The following PI4K2B variants were observed in gnomAD, a reference collection of about 807,000 sequenced individuals.
The protein encoded by PI4K2B is phosphatidylinositol 4-kinase type 2 beta.
PI4K2B carries 46 observed loss-of-function variants against 56.6 expected under a neutral mutation model. The observed-to-expected ratio is 0.81, with a 90% CI of 0.64 to 1.04. The LOEUF (loss-of-function observed/expected upper bound fraction) is 1.04, where lower values mean the gene tolerates loss of function less well. PI4K2B is among the 50% of genes least tolerant of loss of function. PI4K2B has a pLI of 0.00. For missense variants in PI4K2B, 556 were observed against 607.7 expected (o/e 0.91, Z 0.89); for synonymous variants, 211 against 223.8 (o/e 0.94, Z 0.51).
intron 9 of PI4K2B, among the ~76,000 whole-genome samples, chr4:25,272,297 AT>A (rs1716928216): frequency 6.6e-6 from 1 of 152,242 alleles, no homozygotes; most frequent in Non-Finnish European, 1.5e-5. Flanking sequence ...AATGAATATA[AT>A]AAAATATGAA....
At chr4:25,254,335 A>G in intron 2 of PI4K2B, 3 of 705,056 alleles carry the variant, frequency 4.3e-6, no homozygotes, top group Non-Finnish European at 5.2e-6. Flanking sequence ...TGTAATGTGG[A>G]TATTTAATAG....
Position 25,260,609 on chromosome 4 carries a change from TTTATATATATATATA to T in PI4K2B, c.978+20_978+34del. 1 of 383,648 alleles carries T rather than the reference TTTATATATATATATA, an allele frequency of 2.6e-6. No individual in the cohort carries two copies. The highest frequency in any genetic ancestry group is 4.3e-6 in the Non-Finnish European group (1 of 232,848). 23.8% of individuals were successfully genotyped at this position (383,648 alleles called of 1,614,324 possible). ...ACCATAAGGTAAGGAAATTTACAAT[TTTATATATATATATA>T]TATATATATATATATATACACACAC... On this transcript the variant is annotated intron_variant, in intron 6 of 9. Coordinates refer to ENST00000264864, the MANE Select transcript of PI4K2B (RefSeq NM_018323.4).
At chr4:25,269,251 CA>C (rs1376687604) in intron 9 of PI4K2B, 48 bp downstream of exon 9, 2 of 1,003,374 alleles carry the variant, frequency 2.0e-6, no homozygotes, top group African/African-American at 3.2e-5. Context: ...CTCTTTGAAA[CA>C]GTAGTCAACT....
intron 1 of PI4K2B, among the ~76,000 whole-genome samples, chr4:25,240,912 CCTCT>C (rs1715490022): frequency 1.3e-5 from 2 of 152,026 alleles, no homozygotes; most frequent in African/African-American, 4.8e-5. Flanking sequence ...TCTGTCTCTT[CCTCT>C]CTGTCTCTTT....
At chr4:25,267,499 G>A (rs941811278) in intron 7 of PI4K2B, among the ~76,000 whole-genome samples, 7 of 152,196 alleles carry the variant, frequency 4.6e-5, no homozygotes, top group Non-Finnish European at 7.3e-5. Context: ...AGGCTATAGC[G>A]AACTATGATT....
chr4:25,251,884 C>T (rs182314558), intron 1 of PI4K2B, among the ~76,000 whole-genome samples: 8 of 151,948 alleles, frequency 5.3e-5, no homozygotes, highest in South Asian at 2.1e-4. Flanking sequence ...AGTGCAGTGG[C>T]GCAATCTCTG....
At chr4:25,239,186 G>A (rs1715407848) in intron 1 of PI4K2B, among the ~76,000 whole-genome samples, 1 of 152,238 alleles carries the variant, frequency 6.6e-6, no homozygotes. Flanking sequence ...TCACCCAGTG[G>A]ATCCCACACT....
chr4:25,250,333 C>G (rs961246239), intron 1 of PI4K2B, among the ~76,000 whole-genome samples: 29 of 152,102 alleles, frequency 1.9e-4, no homozygotes, highest in African/African-American at 6.5e-4. Flanking sequence ...CCTCAGTGAA[C>G]TAACACAGGA....
At chr4:25,257,441 T>A (rs1176866774) in intron 4 of PI4K2B, among the ~76,000 whole-genome samples, 1 of 152,120 alleles carries the variant, frequency 6.6e-6, no homozygotes, top group African/African-American at 2.4e-5. Flanking sequence ...AGGAGAAAAC[T>A]AAGAAATTCA....
rs141109382 is a variant in PI4K2B at position 25,263,770 on chromosome 4, TGAA to T, written c.1003_1005del (p.Glu335del). 6.7e-4 allele frequency: 974 copies of T among 1,459,230 alleles called. 11 individuals are homozygous for T. In the East Asian group the frequency reaches 0.019, roughly 28 times the overall value. The allele number at this position is 1,459,230 out of a possible 1,614,324, so 90.4% of individuals were successfully genotyped here. On this transcript the variant is annotated inframe_deletion, in exon 7 of 10. Transcript: ENST00000264864. ...TATAGGAATCAAAATGGATTGATGA[TGAA>T]GAATTCCTTATTAAAATAGCTGCAA...
Position 25,255,186 on chromosome 4 carries a change from C to A in PI4K2B, c.545C>A (p.Pro182His). The A allele has an allele frequency of 1.9e-6, 3 of 1,613,876 alleles. No individual in the cohort carries two copies. The highest frequency in any genetic ancestry group is 2.5e-6 in the Non-Finnish European group (3 of 1,179,766). ...PCCFGRGCLI[P>H]NQGYLSEAGA... ...TGCTTTGGCCGAGGCTGCCTGATTC[C>A]TAATCAGGGGTACCTTTCCGAAGCG... Residue 182 changes from proline (P) to histidine (H), a missense_variant, in exon 3 of 10, where the codon CCT (proline) becomes CAT (histidine). By Grantham distance (77) the Pro-to-His change is moderately conservative. Coordinates refer to ENST00000264864, the MANE Select transcript of PI4K2B (RefSeq NM_018323.4).
Position 25,267,066 on chromosome 4 carries a change from T to A in PI4K2B, c.1079-1377T>A, listed in dbSNP as rs577191080. Among the ~76,000 whole-genome samples the A allele has an allele frequency of 5.8e-4, 88 of 152,212 alleles. 2 individuals carry two copies. The highest frequency in any genetic ancestry group is 5.5e-3 in the Admixed American group (84 of 15,280). ...ACTTAGAGTGGTATCTCCAACACCATAGAGGAGAGAATTTCATAAAGGAGA... is the reference window on the plus strand; with the variant it reads ...ACTTAGAGTGGTATCTCCAACACCAAAGAGGAGAGAATTTCATAAAGGAGA... On this transcript the variant is annotated intron_variant, in intron 7 of 9. Transcript: ENST00000264864.
intron 7 of PI4K2B, among the ~76,000 whole-genome samples, chr4:25,264,634 G>C (rs758832444): frequency 3.3e-5 from 5 of 152,180 alleles, no homozygotes; most frequent in Non-Finnish European, 7.3e-5. Flanking sequence ...CACTTTGGGG[G>C]CTGAGGCTAG....
intron 9 of PI4K2B, among the ~76,000 whole-genome samples, chr4:25,274,201 T>C (rs1253671250): frequency 6.6e-6 from 1 of 152,178 alleles, no homozygotes; most frequent in Non-Finnish European, 1.5e-5. Context: ...ATGTATATAG[T>C]GCAGTAATTC....
At chr4:25,242,925 T>C (rs1300167447) in intron 1 of PI4K2B, among the ~76,000 whole-genome samples, 2 of 152,332 alleles carry the variant, frequency 1.3e-5, no homozygotes, top group Non-Finnish European at 2.9e-5. Flanking sequence ...CCTTGGCTAA[T>C]ATATCCCTCC....
Position 25,256,627 on chromosome 4 carries a change from G to A in PI4K2B, c.709G>A (p.Val237Met). The change falls in exon 4 of 10, where the codon GTG becomes ATG. Residue 237 changes from valine to methionine, a missense_variant. Physicochemically the swap from Val to Met is conservative, Grantham distance 21 (BLOSUM62 1). Transcript: ENST00000264864. ...AGGCAAAAAGTATGCTTTAGAAAAA[G>A]TGCCAAAAGTGGGTAGAAAGTTTCA... ...SRGKKYALEKVPKVGRKFHRI... is the reference protein window; with the variant it reads ...SRGKKYALEKMPKVGRKFHRI... 1 of 1,613,908 alleles carries A rather than the reference G, an allele frequency of 6.2e-7. No homozygotes were observed. Among genetic ancestry groups the A allele is most frequent in the Non-Finnish European group, 8.5e-7 (1 of 1,179,922 alleles).
chr4:25,276,474 A>G (rs1717097616), intron 9 of PI4K2B: 2 of 223,224 alleles, frequency 9.0e-6, no homozygotes, highest in Admixed American at 1.3e-4. Context: ...TTACATATTC[A>G]TGTTTATTGA....
intron 1 of PI4K2B, among the ~76,000 whole-genome samples, chr4:25,236,687 C>T (rs1055246076): frequency 3.3e-5 from 5 of 152,196 alleles, no homozygotes; most frequent in East Asian, 1.9e-4. Context: ...ATGGTTTGCC[C>T]GAAGTCAAAT....
chr4:25,261,829 G>A lies in PI4K2B; in HGVS notation c.978+1238G>A, dbSNP rs114293678. 5.2e-3 allele frequency among the ~76,000 whole-genome samples: 789 copies of A among 152,318 alleles called. 3 individuals carry two copies. Among genetic ancestry groups the A allele is most frequent in the Non-Finnish European group, 8.5e-3 (579 of 68,028 alleles). ...CAGAGGGACACAAGGAAACTTTGGC[G>A]TGGAAGTTTCACATATGTCAAGGCT... On this transcript the variant is annotated intron_variant, in intron 6 of 9. Transcript: ENST00000264864.
Sources: allele counts gnomAD v4.1 joint callset (sites outside exome capture counted in the v4.1 genomes callset), GRCh38; gene constraint gnomAD v4.1.1; transcripts MANE v1.5; gene names NCBI Gene and HGNC (gene_info 2026-07-23, HGNC 2026-07-21).